SMARCA2: variants seen among roughly 807,000 people sequenced by gnomAD.
The protein encoded by SMARCA2 is SWI/SNF related BAF chromatin remodeling complex subunit ATPase 2.
SMARCA2 carries 61 observed loss-of-function variants against 199.8 expected under a neutral mutation model. That is an observed-to-expected ratio of 0.31 (90% confidence interval 0.25 to 0.38). The LOEUF is 0.38. SMARCA2 is among the 10% of genes least tolerant of loss of function. SMARCA2 has a pLI of 1.00. For missense variants in SMARCA2, 1,344 were observed against 2,012.2 expected (o/e 0.67, Z 6.35); for synonymous variants, 935 against 732.0 (o/e 1.28, Z -4.48).
chr9:2,037,616 C>T (rs2130235160), intron 3 of SMARCA2, among the ~76,000 whole-genome samples: 1 of 152,284 alleles, frequency 6.6e-6, no homozygotes, highest in East Asian at 1.9e-4. Flanking sequence ...CATATATTCT[C>T]CGGCCTCTGT....
At chr9:2,064,855 A>G (rs1820757883) in intron 9 of SMARCA2, among the ~76,000 whole-genome samples, 1 of 152,204 alleles carries the variant, frequency 6.6e-6, no homozygotes, top group Admixed American at 6.5e-5. Flanking sequence ...TGTGGTTAGG[A>G]GCCCATACCA....
At position 2,119,243 on chromosome 9, in the gene SMARCA2, T is replaced by TG. The variant is rs2130611363; in HGVS notation, c.3685-213dup. Among the ~76,000 whole-genome samples, 1 of 152,356 alleles carries TG rather than the reference T, an allele frequency of 6.6e-6. No individual in the cohort carries two copies. Among genetic ancestry groups the TG allele is most frequent in the South Asian group, 2.1e-4 (1 of 4,824 alleles). ...CCAGGAGAACTCATATTTCTTATAG[T>TG]GGACCACAGTTTCCTCCCTGAACGG... On this transcript the variant is annotated intron_variant, in intron 25 of 33. Coordinates refer to ENST00000349721, the MANE Select transcript of SMARCA2 (RefSeq NM_003070.5). The surrounding 1 kb of genome is among the most constrained non-coding windows in gnomAD (Gnocchi z 4.6).
intron 3 of SMARCA2, among the ~76,000 whole-genome samples, chr9:2,036,341 G>T (rs969377927): frequency 6.6e-6 from 1 of 152,070 alleles, no homozygotes; most frequent in African/African-American, 2.4e-5. Context: ...ACTAGGGAAA[G>T]AAAACTGCCA....
intron 27 of SMARCA2, among the ~76,000 whole-genome samples, chr9:2,139,592 T>C (rs1824370160): frequency 6.6e-6 from 1 of 152,210 alleles, no homozygotes; most frequent in Non-Finnish European, 1.5e-5. Flanking sequence ...TGCCATTTTA[T>C]CTGATGATTG....
At chr9:2,160,794 A>G (rs763888026) in intron 27 of SMARCA2, 10 of 396,060 alleles carry the variant, frequency 2.5e-5, no homozygotes, top group Middle Eastern at 4.3e-4. Context: ...TTTCTTTTCT[A>G]TGTTCAAATT....
intron 29 of SMARCA2, among the ~76,000 whole-genome samples, chr9:2,174,363 G>T (rs556073460): frequency 6.6e-6 from 1 of 152,234 alleles, no homozygotes; most frequent in African/African-American, 2.4e-5. Context: ...ATATATATAT[G>T]TCCTTGTATA....
intron 27 of SMARCA2, among the ~76,000 whole-genome samples, chr9:2,140,929 TAAGGGATACA>T (rs2130685187): frequency 6.6e-6 from 1 of 152,192 alleles, no homozygotes; most frequent in East Asian, 1.9e-4. Context: ...TAAGGGCCAT[TAAGGGATACA>T]TGGAGACCTG....
intron 27 of SMARCA2, among the ~76,000 whole-genome samples, chr9:2,156,789 C>T (rs1487740769): frequency 6.6e-6 from 1 of 152,160 alleles, no homozygotes; most frequent in Non-Finnish European, 1.5e-5. Context: ...CATTGTTGTG[C>T]AACCATCACC....
At chr9:2,072,468 T>C (rs1159918604) in intron 10 of SMARCA2, among the ~76,000 whole-genome samples, 1 of 152,226 alleles carries the variant, frequency 6.6e-6, no homozygotes, top group Non-Finnish European at 1.5e-5. Context: ...GCTTTTTTCT[T>C]TGTCACACTC....
At chr9:2,103,104 A>T (rs1189703071) in intron 22 of SMARCA2, among the ~76,000 whole-genome samples, 1 of 151,508 alleles carries the variant, frequency 6.6e-6, no homozygotes, top group Non-Finnish European at 1.5e-5. Flanking sequence ...TTTACTCATT[A>T]TTTCAGGTTT....
At chr9:2,103,580 T>G (rs1006819078) in intron 22 of SMARCA2, among the ~76,000 whole-genome samples, 2 of 151,250 alleles carry the variant, frequency 1.3e-5, no homozygotes. Flanking sequence ...AATTAAAAAT[T>G]TAAAAAGTTA....
rs751953852 is a variant in SMARCA2, at chr9:2,029,181, C to G, written c.159C>G (p.Val53=). Residue 53 remains valine, a synonymous_variant, in exon 2 of 34, where the codon GTC becomes GTG. Transcript: ENST00000349721. ...MMGPSPGPPS[V]SHPMPTMGST... is the part of the protein sequence containing the mutation. ...GGCCAAGTCCTGGACCTCCAAGTGT[C>G]TCCCATCCTATGCCGACGATGGGGT... 6.2e-7 allele frequency: 1 copy of G among 1,613,556 alleles called. No homozygotes were observed. The highest frequency in any genetic ancestry group is 8.5e-7 in the Non-Finnish European group (1 of 1,179,776).
intron 4 of SMARCA2, chr9:2,045,458 C>G (rs962167488): frequency 2.0e-5 from 3 of 152,090 alleles, no homozygotes; most frequent in Non-Finnish European, 4.4e-5. Flanking sequence ...GAAAAATATT[C>G]TAAAACTTCC....
chr9:2,151,407 C>T (rs975324240), intron 27 of SMARCA2, among the ~76,000 whole-genome samples: 1 of 151,550 alleles, frequency 6.6e-6, no homozygotes, highest in East Asian at 1.9e-4. Flanking sequence ...GAAGACAGTA[C>T]AAGACCCAGG....
intron 32 of SMARCA2, among the ~76,000 whole-genome samples, chr9:2,187,603 G>A (rs1210630493): frequency 6.6e-6 from 1 of 152,056 alleles, no homozygotes; most frequent in African/African-American, 2.4e-5. Flanking sequence ...GCTTAGTCTA[G>A]GTGTTCAAGG....
At chr9:2,101,151 A>G (rs913416066) in intron 21 of SMARCA2, among the ~76,000 whole-genome samples, 7 of 152,094 alleles carry the variant, frequency 4.6e-5, no homozygotes, top group African/African-American at 1.7e-4. Flanking sequence ...GACACAGCCA[A>G]ACCCTATCAC....
rs940146006 is a variant in SMARCA2, at chr9:2,119,952, C to G, written c.3762+417C>G. 6.6e-6 allele frequency among the ~76,000 whole-genome samples: 1 copy of G among 152,230 alleles called. No individual in the cohort carries two copies. The highest frequency in any genetic ancestry group is 2.4e-5 in the African/African-American group (1 of 41,450). ...CCCAGGCCAGTGTCATTCAGGAAGC[C>G]TACCTGGCTCCTATAGGCATTGGAA... On this transcript the variant is annotated intron_variant, in intron 26 of 33. Transcript: ENST00000349721. This position sits in a 1 kb window ranked among gnomAD's most constrained non-coding sequence, Gnocchi z 4.6.
intron 27 of SMARCA2, chr9:2,160,118 C>G: frequency 1.6e-6 from 1 of 611,646 alleles, no homozygotes; most frequent in South Asian, 2.6e-5. Flanking sequence ...GGGACAATTT[C>G]CTTTTCTTAA....
chr9:2,110,511 T>C lies in SMARCA2; in HGVS notation c.3456+94T>C. 9.9e-7 allele frequency: 1 copy of C among 1,010,976 alleles called. No homozygotes were observed. The highest frequency in any genetic ancestry group is 1.4e-6 in the Non-Finnish European group (1 of 720,482). 62.6% of individuals were successfully genotyped at this position (1,010,976 alleles called of 1,614,324 possible). A position where few individuals can be genotyped will look rare whatever the true frequency, so the allele number is the denominator to read the frequency against. On this transcript the variant is annotated intron_variant, in intron 24 of 33. Transcript: ENST00000349721. The surrounding 1 kb of genome is among the most constrained non-coding windows in gnomAD (Gnocchi z 4.8). ...ATTCACATTTACAGGACAGAGCAAA[T>C]ATCTAAACGAGTGGGCTGTTGCTTT... is the stretch of plus-strand genomic sequence containing the variant.
Sources: gnomAD v4.1 joint callset for allele counts (sites outside exome capture counted in the v4.1 genomes callset) on GRCh38, gnomAD v4.1.1 for gene constraint, Gnocchi (gnomAD v3.1) non-coding constraint, MANE v1.5 for transcripts, NCBI Gene and HGNC (gene_info 2026-07-23, HGNC 2026-07-21) for gene names.